The following RELL1 variants were observed in gnomAD, a reference collection of about 807,000 sequenced individuals.
RELL1 encodes the protein RELT like 1, also known as RELT-like protein 1.
A neutral mutation model predicts 23.0 loss-of-function variants in RELL1; 10 were observed. The observed-to-expected ratio is 0.43, with a 90% CI of 0.27 to 0.74. The LOEUF (loss-of-function observed/expected upper bound fraction) is 0.74, where lower values mean the gene tolerates loss of function less well. Ranked by LOEUF, RELL1 falls within the 30% of genes least tolerant of loss-of-function variation. RELL1 has a pLI of 0.19. For missense variants in RELL1, 315 were observed against 364.4 expected (o/e 0.86, Z 1.10); for synonymous variants, 146 against 146.8 (o/e 0.99, Z 0.04).
At chr4:37,627,781 T>A (rs535531317) in intron 6 of RELL1, among the ~76,000 whole-genome samples, 2 of 152,228 alleles carry the variant, frequency 1.3e-5, no homozygotes, top group African/African-American at 4.8e-5. Context: ...AAACAAAACA[T>A]TGCAGTAAAA....
chr4:37,671,132 C>T (rs535500650), intron 1 of RELL1, among the ~76,000 whole-genome samples: 1 of 152,322 alleles, frequency 6.6e-6, no homozygotes, highest in Admixed American at 6.5e-5. Context: ...ACAAGACTGA[C>T]CCCACTTCAG....
intron 6 of RELL1, among the ~76,000 whole-genome samples, chr4:37,616,348 C>T (rs1161258967): frequency 6.6e-6 from 1 of 152,208 alleles, no homozygotes; most frequent in Non-Finnish European, 1.5e-5. Flanking sequence ...CACAAAGCTA[C>T]CTCCATGCTG....
At chr4:37,589,890 C>T (rs1487991160), downstream of RELL1, among the ~76,000 whole-genome samples, 2 of 152,342 alleles carry the variant, frequency 1.3e-5, no homozygotes, top group East Asian at 1.9e-4. Context: ...CCTTGGCCAC[C>T]CAAATTGCTG....
At chr4:37,606,197 GAAGA>G (rs1447765677), downstream of RELL1, among the ~76,000 whole-genome samples, 69 of 150,354 alleles carry the variant, frequency 4.6e-4, no homozygotes, top group Non-Finnish European at 7.4e-4. The surrounding 1 kb of genome is among the most constrained non-coding windows in gnomAD (Gnocchi z 4.1). Context: ...GAAAGAGAAA[GAAGA>G]AAGAAAGAAG....
At chr4:37,600,780 C>CGTGCGTGTGTGT (rs1553871084) in intron 6 of RELL1, among the ~76,000 whole-genome samples, 1 of 147,680 alleles carries the variant, frequency 6.8e-6, no homozygotes, top group East Asian at 2.0e-4. Flanking sequence ...TGGATTTGTG[C>CGTGCGTGTGTGT]GTGTGTGTGT....
chr4:37,657,626 C>A (rs1047302029), intron 1 of RELL1, among the ~76,000 whole-genome samples: 1 of 152,108 alleles, frequency 6.6e-6, no homozygotes, highest in African/African-American at 2.4e-5. Flanking sequence ...GGAACAGGTG[C>A]TTCTGTTGCC....
intron 1 of RELL1, among the ~76,000 whole-genome samples, chr4:37,677,305 C>T (rs1408279123): frequency 1.3e-5 from 2 of 152,232 alleles, no homozygotes; most frequent in East Asian, 1.9e-4. Flanking sequence ...TGAGGAAAGA[C>T]ACTCACTTAA....
intron 4 of RELL1, among the ~76,000 whole-genome samples, chr4:37,635,363 T>C (rs1037556325): frequency 2.0e-5 from 3 of 152,188 alleles, no homozygotes; most frequent in African/African-American, 7.2e-5. Context: ...CAACAGCTCA[T>C]GCCTATAATC....
At chr4:37,624,426 T>C (rs902678209) in intron 6 of RELL1, among the ~76,000 whole-genome samples, 40 of 148,002 alleles carry the variant, frequency 2.7e-4, no homozygotes, top group Admixed American at 2.5e-3. Flanking sequence ...TTCTTTTTTT[T>C]TTTTTTTTTT....
rs1437871084 is a variant in RELL1, at chr4:37,634,778, AC to A, written c.680+108del. On this transcript the variant is annotated intron_variant, in intron 5 of 6. Coordinates refer to ENST00000454158, the MANE Select transcript of RELL1 (RefSeq NM_001085400.2). ...AACATCTAAAAAGCCCAGAGATATA[AC>A]CTGAGACAGGCACAGAGAACATATT... is the stretch of plus-strand genomic sequence containing the variant. 27 of 967,642 alleles carry A rather than the reference AC, an allele frequency of 2.8e-5. No individual in the cohort carries two copies. In the Admixed American group the frequency reaches 4.7e-4, roughly 17 times the overall value. 59.9% of individuals were successfully genotyped at this position (967,642 alleles called of 1,614,324 possible).
intron 3 of RELL1, among the ~76,000 whole-genome samples, chr4:37,647,025 G>C (rs925145821): frequency 3.3e-4 from 50 of 152,142 alleles, no homozygotes; most frequent in African/African-American, 1.1e-3. Context: ...GTGCCAGGCT[G>C]AGGTAAATAT....
chr4:37,590,889 C>T, exon 7 of RELL1: 2 of 1,614,222 alleles, frequency 1.2e-6, no homozygotes, highest in Non-Finnish European at 1.7e-6. Context: ...ATACCCATGG[C>T]TCCGATGGAG....
At position 37,628,356 on chromosome 4, in the gene RELL1, T is replaced by TACTA. The variant is rs548899098; in HGVS notation, c.*3+3025_*3+3028dup. Among the ~76,000 whole-genome samples, 1,130 of 152,256 alleles carry TACTA rather than the reference T, an allele frequency of 7.4e-3. 13 individuals carry two copies. The highest frequency in any genetic ancestry group is 0.025 in the African/African-American group (1,058 of 41,536). ...TAAGACCTTCATCTGCAAAATGGGG[T>TACTA]ACTAGCACCTATAGACTGCCGTGGC... On this transcript the variant is annotated intron_variant, in intron 6 of 6. Coordinates refer to ENST00000454158, the MANE Select transcript of RELL1 (RefSeq NM_001085400.2).
intron 6 of RELL1, among the ~76,000 whole-genome samples, chr4:37,625,758 T>C (rs1202277067): frequency 6.6e-6 from 1 of 152,194 alleles, no homozygotes; most frequent in Admixed American, 6.5e-5. Context: ...AGATTTTAAA[T>C]ATCCTCACCA....
rs1719124703 is a variant in RELL1 at position 37,604,834 on chromosome 4, C to CACAGACACACACAT, written c.*4-13618_*4-13617insATGTGTGTGTCTGT. On this transcript the variant is annotated intron_variant, in intron 6 of 6. Coordinates refer to the RELL1 transcript ENST00000314117. The stretch of plus-strand genomic sequence containing the variant: ...AGACACACACACAGACACACACATA[C>CACAGACACACACAT]ACACAGACACACACACAGACACACA... 1.5e-3 allele frequency among the ~76,000 whole-genome samples: 158 copies of CACAGACACACACAT among 105,336 alleles called. 2 individuals carry two copies. The East Asian group carries it at 0.019, about 13-fold the overall frequency. The allele number at this position is 105,336 out of a possible 152,430, so 69.1% of individuals were successfully genotyped here.
chr4:37,631,562 T>G, intron 5 of RELL1, 39 bp from the exon 6 acceptor site: 1 of 1,601,316 alleles, frequency 6.2e-7, no homozygotes, highest in Non-Finnish European at 8.5e-7. Context: ...GGTTTGCTTT[T>G]CTAATAAACA....
intron 6 of RELL1, among the ~76,000 whole-genome samples, chr4:37,604,784 CAG>C (rs1577557748): frequency 3.8e-4 from 41 of 108,718 alleles, no homozygotes; most frequent in South Asian, 1.2e-3. Flanking sequence ...CAGACACACA[CAG>C]ACACACACAC....
At chr4:37,665,224 C>G in intron 1 of RELL1, 1 of 456,186 alleles carries the variant, frequency 2.2e-6, no homozygotes, top group Non-Finnish European at 4.4e-6. Flanking sequence ...CAAATGCCAA[C>G]AGTTTTTACA....
At chr4:37,603,345 C>G (rs1352200419) in intron 6 of RELL1, among the ~76,000 whole-genome samples, 3 of 152,124 alleles carry the variant, frequency 2.0e-5, no homozygotes, top group Non-Finnish European at 4.4e-5. Context: ...GTGAGGGTAC[C>G]CTGGGGAGAT....
Sources: allele counts gnomAD v4.1 joint callset (sites outside exome capture counted in the v4.1 genomes callset), GRCh38; gene constraint gnomAD v4.1.1; non-coding constraint Gnocchi (gnomAD v3.1); transcripts MANE v1.5; gene names NCBI Gene and HGNC (gene_info 2026-07-23, HGNC 2026-07-21).